Variants in CTNNA3 observed in about 807,000 individuals in gnomAD.
CTNNA3 encodes the protein catenin alpha 3.
In CTNNA3, 76 loss-of-function variants were observed where a neutral mutation model predicts 95.7. That is an observed-to-expected ratio of 0.79 (90% CI 0.66 to 0.96). The LOEUF is 0.96. CTNNA3 is among the 40% of genes least tolerant of loss of function. CTNNA3 has a pLI of 0.00. For missense variants in CTNNA3, 1,191 were observed against 1,089.8 expected (o/e 1.09, Z -1.31); for synonymous variants, 431 against 374.4 (o/e 1.15, Z -1.74).
chr10:66,599,704 C>T (rs564750554), intron 10 of CTNNA3, among the ~76,000 whole-genome samples: 1 of 151,840 alleles, frequency 6.6e-6, no homozygotes, highest in East Asian at 1.9e-4. Flanking sequence ...TGCTTTAAGT[C>T]CTTCAAAAGA....
At chr10:67,301,255 A>C (rs1412745986) in intron 5 of CTNNA3, among the ~76,000 whole-genome samples, 1 of 152,208 alleles carries the variant, frequency 6.6e-6, no homozygotes, top group Non-Finnish European at 1.5e-5. Context: ...ACATAAGAAG[A>C]AGCCAGGGAC....
chr10:66,972,081 C>A (rs1045346735), intron 7 of CTNNA3, among the ~76,000 whole-genome samples: 6 of 152,272 alleles, frequency 3.9e-5, no homozygotes, highest in Admixed American at 3.3e-4. Flanking sequence ...CTCCACTGAG[C>A]TTTTAAGCTT....
rs188170108 is a variant in CTNNA3, at chr10:66,707,230, A to C, written c.1281+59034T>G. On this transcript the variant is annotated intron_variant, in intron 9 of 17. Transcript: ENST00000433211. ...AGTTAGAAAAATTTACTATTAGATA[A>C]TCTTATTAATATCTATAAAAGCTGC... Among the ~76,000 whole-genome samples, 1,107 of 152,160 alleles carry C rather than the reference A, an allele frequency of 7.3e-3. 8 individuals carry two copies. The highest frequency in any genetic ancestry group is 0.025 in the African/African-American group (1,037 of 41,538).
intron 7 of CTNNA3, among the ~76,000 whole-genome samples, chr10:67,014,366 C>T (rs1425227284): frequency 1.3e-5 from 2 of 152,152 alleles, no homozygotes; most frequent in Non-Finnish European, 2.9e-5. Context: ...CTTTAATTAA[C>T]TACTGTATAC....
At chr10:67,596,259 G>C (rs879810399) in intron 3 of CTNNA3, among the ~76,000 whole-genome samples, 2 of 152,024 alleles carry the variant, frequency 1.3e-5, no homozygotes, top group African/African-American at 2.4e-5. Context: ...GTGGTGGCTG[G>C]TAATAGTCTT....
At chr10:66,517,444 G>A (rs1840901322) in intron 11 of CTNNA3, among the ~76,000 whole-genome samples, 2 of 151,988 alleles carry the variant, frequency 1.3e-5, no homozygotes, top group South Asian at 4.2e-4. Context: ...AAAGAAGCCG[G>A]CTAAATCCTA....
intron 1 of CTNNA3, among the ~76,000 whole-genome samples, chr10:67,704,692 A>G (rs1356967096): frequency 6.6e-6 from 1 of 152,082 alleles, no homozygotes. Flanking sequence ...AAACCTAGGC[A>G]TTACCATTCA....
chr10:66,565,744 T>C (rs972932087), intron 10 of CTNNA3, among the ~76,000 whole-genome samples: 2 of 152,182 alleles, frequency 1.3e-5, no homozygotes, highest in East Asian at 1.9e-4. Flanking sequence ...CTCTCAGGTA[T>C]AGGCTTTCCG....
intron 11 of CTNNA3, among the ~76,000 whole-genome samples, chr10:66,464,300 C>T (rs1379941753): frequency 6.6e-6 from 1 of 152,130 alleles, no homozygotes; most frequent in Non-Finnish European, 1.5e-5. Flanking sequence ...AACTACTCTT[C>T]CTCCTGCTAG....
intron 7 of CTNNA3, among the ~76,000 whole-genome samples, chr10:67,173,145 C>T (rs534676541): frequency 3.9e-4 from 59 of 152,206 alleles, no homozygotes; most frequent in Admixed American, 1.6e-3. Flanking sequence ...TAAAAACAAC[C>T]TTTTGATTTT....
At chr10:67,460,412 G>T (rs192375923) in intron 5 of CTNNA3, among the ~76,000 whole-genome samples, 4 of 152,240 alleles carry the variant, frequency 2.6e-5, no homozygotes, top group Non-Finnish European at 5.9e-5. Context: ...TGGTTTAAGA[G>T]AATTTTTTAA....
At chr10:66,638,850 C>T (rs1845423213) in intron 9 of CTNNA3, among the ~76,000 whole-genome samples, 2 of 152,148 alleles carry the variant, frequency 1.3e-5, no homozygotes, top group East Asian at 3.9e-4. Context: ...CTAGTTATCC[C>T]ATCTTGTAGA....
chr10:67,008,920 G>A (rs1025665094), intron 7 of CTNNA3, among the ~76,000 whole-genome samples: 3 of 152,118 alleles, frequency 2.0e-5, no homozygotes, highest in African/African-American at 7.2e-5. Flanking sequence ...GCTTGAAAAT[G>A]TTTGTGCATT....
intron 12 of CTNNA3, among the ~76,000 whole-genome samples, chr10:66,368,390 G>T (rs1490826286): frequency 2.0e-5 from 3 of 151,808 alleles, no homozygotes; most frequent in African/African-American, 7.3e-5. Context: ...CATGTTTCCA[G>T]CTGCTTTCTA....
chr10:66,791,041 C>T, intron 7 of CTNNA3, among the ~76,000 whole-genome samples: 1 of 151,936 alleles, frequency 6.6e-6, no homozygotes, highest in African/African-American at 2.4e-5. Flanking sequence ...TACTTTTTAC[C>T]CTCCCAGTGT....
intron 5 of CTNNA3, among the ~76,000 whole-genome samples, chr10:67,423,089 A>C (rs965358986): frequency 4.6e-5 from 7 of 152,296 alleles, no homozygotes; most frequent in Middle Eastern, 3.4e-3. Context: ...TCTTTAAATA[A>C]GCCACCCAAA....
At chr10:66,583,664 T>G (rs1439433125) in intron 10 of CTNNA3, among the ~76,000 whole-genome samples, 3 of 151,862 alleles carry the variant, frequency 2.0e-5, no homozygotes, top group Non-Finnish European at 4.4e-5. Context: ...GGATTTTTTT[T>G]GTTTCAATTT....
At chr10:66,016,556 T>A (rs556768268) in intron 15 of CTNNA3, among the ~76,000 whole-genome samples, 1 of 152,258 alleles carries the variant, frequency 6.6e-6, no homozygotes, top group South Asian at 2.1e-4. Flanking sequence ...TTGAAGACTG[T>A]CTCCAAAATA....
chr10:66,329,206 C>G (rs1436993070), intron 12 of CTNNA3, among the ~76,000 whole-genome samples: 1 of 151,802 alleles, frequency 6.6e-6, no homozygotes, highest in Admixed American at 6.6e-5. Context: ...CCACCTCAGC[C>G]TCCTAAAGTG....
Sources: gnomAD v4.1 joint callset for allele counts (sites outside exome capture counted in the v4.1 genomes callset) on GRCh38, gnomAD v4.1.1 for gene constraint, MANE v1.5 for transcripts, NCBI Gene and HGNC (gene_info 2026-07-23, HGNC 2026-07-21) for gene names.